The following TRAK1 variants were observed in gnomAD, a reference collection of about 807,000 sequenced individuals.
The protein encoded by TRAK1 is trafficking kinesin-binding protein 1.
In TRAK1, 33 loss-of-function variants were observed where a neutral mutation model predicts 92.1. That is an observed-to-expected ratio of 0.36 (90% CI 0.27 to 0.48). TRAK1 has a LOEUF of 0.48. Among genes scored for constraint, TRAK1 ranks in the 20% least tolerant of loss-of-function variants. TRAK1 has a pLI of 0.99. For synonymous variants in TRAK1, 521 were observed against 517.3 expected, an observed-to-expected ratio of 1.01 and a Z score of -0.10; for missense variants, 1,123 against 1,257.9, an observed-to-expected ratio of 0.89 and a Z score of 1.62.
intron 1 of TRAK1, among the ~76,000 whole-genome samples, chr3:42,064,185 G>T (rs1285491317): frequency 6.6e-6 from 1 of 152,130 alleles, no homozygotes; most frequent in Non-Finnish European, 1.5e-5. Flanking sequence ...TCGCAGCCAG[G>T]CGGGCGCTGT....
chr3:42,210,742 T>C, intron 14 of TRAK1: 1 of 985,820 alleles, frequency 1.0e-6, no homozygotes, highest in Non-Finnish European at 1.2e-6. Context: ...TTAAAAAGTG[T>C]TTTAGCAATA....
chr3:42,031,013 A>G (rs1053451033), intron 1 of TRAK1, among the ~76,000 whole-genome samples: 2 of 149,534 alleles, frequency 1.3e-5, no homozygotes, highest in African/African-American at 4.9e-5. Context: ...TGTCAGTGAC[A>G]CTTAACCTCA....
chr3:42,042,278 A>G (rs543151808), intron 1 of TRAK1, among the ~76,000 whole-genome samples: 1 of 152,006 alleles, frequency 6.6e-6, no homozygotes, highest in Non-Finnish European at 1.5e-5. Context: ...GAATTTTGTC[A>G]AATCCTTTTT....
chr3:42,053,552 G>T (rs1477476402), intron 1 of TRAK1, among the ~76,000 whole-genome samples: 4 of 151,972 alleles, frequency 2.6e-5, no homozygotes, highest in Non-Finnish European at 5.9e-5. Flanking sequence ...GTAGGCTGGA[G>T]AAATCAGTAT....
rs372877720 is a variant in TRAK1, at chr3:42,132,398, G to A, written c.286+6784G>A. ...CCCACCTCAGCCCCCCAGTAGTTGGGACTACAGGCACATGCCACCATGCCT... is the reference window on the plus strand; with the variant it reads ...CCCACCTCAGCCCCCCAGTAGTTGGAACTACAGGCACATGCCACCATGCCT... On this transcript the variant is annotated intron_variant, in intron 2 of 15. Coordinates refer to ENST00000327628, the MANE Select transcript of TRAK1 (RefSeq NM_001042646.3). Among the ~76,000 whole-genome samples, 120 of 151,774 alleles carry A rather than the reference G, an allele frequency of 7.9e-4. 3 individuals are homozygous for A. The highest frequency in any genetic ancestry group is 6.8e-3 in the Middle Eastern group (2 of 292).
intron 2 of TRAK1, among the ~76,000 whole-genome samples, chr3:42,163,906 C>G (rs1701571527): frequency 6.6e-6 from 1 of 152,154 alleles, no homozygotes. Context: ...ATTTTTAGGA[C>G]AGTAACCTCG....
Position 42,202,745 on chromosome 3 carries a change from G to T in TRAK1, c.1737G>T (p.Pro579=), listed in dbSNP as rs757895013. 3.1e-6 allele frequency: 5 copies of T among 1,613,720 alleles called. No homozygotes were observed. Among genetic ancestry groups the T allele is most frequent in the Non-Finnish European group, 4.2e-6 (5 of 1,179,744 alleles). The change falls in exon 13 of 16, where the codon CCG becomes CCT. Residue 579 remains proline (P), a synonymous_variant. Transcript: ENST00000327628. This position sits in a 1 kb window ranked among gnomAD's most constrained non-coding sequence, Gnocchi z 6.1. Reference sequence around the variant, plus strand: ...CTGAGAAGCTCCAGATCGTGAAGCCGCTGGAAGGTGATCACGCGGGGCCTC... The same window carrying T: ...CTGAGAAGCTCCAGATCGTGAAGCCTCTGGAAGGTGATCACGCGGGGCCTC... ...YLPEKLQIVK[P]LEGSATLHHW...
chr3:42,202,536 C>T lies in TRAK1; in HGVS notation c.1528C>T (p.Leu510Phe), dbSNP rs1301703566. The change falls in exon 13 of 16, where the codon CTC becomes TTC. Residue 510 changes from leucine to phenylalanine, a missense_variant. Physicochemically the swap from Leu to Phe is conservative, Grantham distance 22. Coordinates refer to ENST00000327628, the MANE Select transcript of TRAK1 (RefSeq NM_001042646.3). The surrounding 1 kb of genome is among the most constrained non-coding windows in gnomAD (Gnocchi z 6.1). ...GCTGTCCCTGCGCCGGGAGAACTAC[C>T]TCTCGGAGAGGAGGTTCTTTGAGGA... The part of the protein sequence containing the change: ...RRLSLRRENY[L>F]SERRFFEEEQ... 7 of 1,563,972 alleles carry T rather than the reference C, an allele frequency of 4.5e-6. No homozygotes were observed. The highest frequency in any genetic ancestry group is 6.1e-6 in the Non-Finnish European group (7 of 1,148,020).
At position 42,212,207 on chromosome 3, in the gene TRAK1, G is replaced by C. The variant is rs558968152; in HGVS notation, c.1963+2222G>C. 130 of 985,404 alleles carry C rather than the reference G, an allele frequency of 1.3e-4. No individual in the cohort carries two copies. In the African/African-American group the frequency reaches 2.2e-3, roughly 17 times the overall value. The allele number at this position is 985,404 out of a possible 1,614,324, so 61.0% of individuals were successfully genotyped here. A position where few individuals can be genotyped will look rare whatever the true frequency, so the allele number is the denominator to read the frequency against. ...CAGATAAGCTTCATGGGGAAGGCAT[G>C]GGGCATCCTCTGTCTTGGGATTTGT... On this transcript the variant is annotated intron_variant, in intron 14 of 15. Transcript: ENST00000327628.
At chr3:42,203,301 G>T in intron 13 of TRAK1, 2 of 992,980 alleles carry the variant, frequency 2.0e-6, no homozygotes, top group Non-Finnish European at 2.4e-6. Flanking sequence ...GATGCAGTAT[G>T]TTCTGAGCGC....
intron 1 of TRAK1, among the ~76,000 whole-genome samples, chr3:42,097,271 G>A (rs1576329092): frequency 6.6e-6 from 1 of 152,190 alleles, no homozygotes; most frequent in African/African-American, 2.4e-5. Context: ...ATACCACTGG[G>A]TTGGGGATAG....
At chr3:42,059,148 G>T (rs1429771794) in intron 1 of TRAK1, among the ~76,000 whole-genome samples, 3 of 151,670 alleles carry the variant, frequency 2.0e-5, no homozygotes, top group Non-Finnish European at 4.4e-5. Flanking sequence ...AGGCTGGAGT[G>T]CAGTGGTGCG....
chr3:42,114,242 A>G (rs1476185760), intron 1 of TRAK1, among the ~76,000 whole-genome samples: 1 of 152,100 alleles, frequency 6.6e-6, no homozygotes, highest in African/African-American at 2.4e-5. Context: ...GGGTGTTAGG[A>G]TTGTTTTTAT....
chr3:42,047,657 A>C (rs1702808353), intron 1 of TRAK1, among the ~76,000 whole-genome samples: 2 of 152,190 alleles, frequency 1.3e-5, no homozygotes, highest in Non-Finnish European at 2.9e-5. Flanking sequence ...ATAGATACCT[A>C]TAGTTAACTT....
intron 2 of TRAK1, among the ~76,000 whole-genome samples, chr3:42,160,873 AT>A (rs977891861): frequency 8.1e-4 from 123 of 151,558 alleles, no homozygotes; most frequent in Admixed American, 7.7e-3. Flanking sequence ...AATATCACTA[AT>A]TTTTTTTTGT....
chr3:42,118,480 C>T (rs1353164703), intron 1 of TRAK1, among the ~76,000 whole-genome samples: 1 of 152,230 alleles, frequency 6.6e-6, no homozygotes, highest in African/African-American at 2.4e-5. Context: ...GTAAGCATTG[C>T]CTCAGGCACC....
intron 1 of TRAK1, among the ~76,000 whole-genome samples, chr3:42,065,830 A>G (rs767916833): frequency 4.1e-4 from 63 of 151,846 alleles, no homozygotes; most frequent in Non-Finnish European, 6.8e-4. Flanking sequence ...GTGTTCCACT[A>G]TGTTTCCCAG....
At chr3:42,197,609 T>C (rs1706939367) in intron 10 of TRAK1, among the ~76,000 whole-genome samples, 1 of 152,236 alleles carries the variant, frequency 6.6e-6, no homozygotes, top group South Asian at 2.1e-4. Context: ...AATAACAGTA[T>C]TAAAAAATAA....
At chr3:42,042,788 G>A (rs1343405484) in intron 1 of TRAK1, among the ~76,000 whole-genome samples, 1 of 152,112 alleles carries the variant, frequency 6.6e-6, no homozygotes, top group Non-Finnish European at 1.5e-5. Flanking sequence ...GCTCCAGGAT[G>A]GAATACAGTT....
Sources: allele counts gnomAD v4.1 joint callset (sites outside exome capture counted in the v4.1 genomes callset), GRCh38; gene constraint gnomAD v4.1.1; non-coding constraint Gnocchi (gnomAD v3.1); transcripts MANE v1.5; gene names NCBI Gene and HGNC (gene_info 2026-07-23, HGNC 2026-07-21).